Variants in COL14A1 observed in about 807,000 individuals in gnomAD.
COL14A1 encodes collagen type XIV alpha 1 chain.
COL14A1 carries 136 observed loss-of-function variants against 230.3 expected under a neutral mutation model. That is an observed-to-expected ratio of 0.59 (90% CI 0.51 to 0.68). COL14A1 has a LOEUF of 0.68. Ranked by LOEUF, COL14A1 falls within the 30% of genes least tolerant of loss-of-function variation. The probability of loss-of-function intolerance (pLI) is 0.00; values close to 1 mark genes in which losing one functional copy is unlikely to be tolerated. For missense variants in COL14A1, 1,976 were observed against 2,215.8 expected (o/e 0.89, Z 2.17); for synonymous variants, 792 against 784.1 (o/e 1.01, Z -0.17).
chr8:120,329,178 T>C (rs1821787208), intron 40 of COL14A1, among the ~76,000 whole-genome samples: 2 of 152,212 alleles, frequency 1.3e-5, no homozygotes, highest in Admixed American at 1.3e-4. Context: ...CTTTCAACTC[T>C]CTCTTGGCCC....
intron 4 of COL14A1, among the ~76,000 whole-genome samples, chr8:120,163,599 A>G (rs1815765903): frequency 6.6e-6 from 1 of 152,102 alleles, no homozygotes; most frequent in Non-Finnish European, 1.5e-5. Flanking sequence ...CCCTGTCTCT[A>G]CTAAAAATAC....
intron 8 of COL14A1, among the ~76,000 whole-genome samples, chr8:120,200,214 G>A (rs1377991156): frequency 6.6e-6 from 1 of 151,914 alleles, no homozygotes; most frequent in Non-Finnish European, 1.5e-5. Flanking sequence ...TGATTCCCAA[G>A]CAACACTGAA....
intron 24 of COL14A1, 45 bp from the exon 25 acceptor site, chr8:120,266,782 C>G: frequency 1.3e-6 from 2 of 1,510,530 alleles, no homozygotes; most frequent in Non-Finnish European, 1.8e-6. Flanking sequence ...CTCTTCCCCA[C>G]AGATGAGATG....
At chr8:120,349,047 G>T (rs774308347) in intron 45 of COL14A1, among the ~76,000 whole-genome samples, 16 of 152,130 alleles carry the variant, frequency 1.1e-4, no homozygotes, top group Non-Finnish European at 1.9e-4. Flanking sequence ...TCTGAGAACC[G>T]GCAGACTGCC....
chr8:120,218,125 TA>T (rs1354164662), intron 14 of COL14A1, among the ~76,000 whole-genome samples: 134 of 139,408 alleles, frequency 9.6e-4, no homozygotes, highest in African/African-American at 3.3e-3. Context: ...TATATCTATA[TA>T]AAAATATATA....
In COL14A1 at chr8:120,280,757, T is replaced by A; in HGVS notation, c.3685+8T>A. ...ATGGCATTGATCTTGCAGGTATGCA[T>A]TATCACAATCTTTTCAAACACAAAA... On this transcript the variant is annotated splice_region_variant and intron_variant, in intron 30 of 47. Transcript: ENST00000297848. The A allele has an allele frequency of 6.2e-7, 1 of 1,612,740 alleles. No individual in the cohort carries two copies. Among genetic ancestry groups the A allele is most frequent in the South Asian group, 1.1e-5 (1 of 90,766 alleles).
chr8:120,298,768 A>T (rs1037146058), intron 35 of COL14A1, among the ~76,000 whole-genome samples: 4 of 150,838 alleles, frequency 2.7e-5, no homozygotes, highest in Non-Finnish European at 5.9e-5. Context: ...GGAACCCTTC[A>T]TGAAGTCTGT....
chr8:120,207,101 A>G lies in COL14A1; in HGVS notation c.1191+7A>G, dbSNP rs756596099. The stretch of plus-strand genomic sequence containing the variant: ...GGGTGGAAAACCAGACGAGGTAATA[A>G]GGAGAGAGTATTTTCAAACCATTCT... On this transcript the variant is annotated splice_region_variant and intron_variant, in intron 10 of 47. Coordinates refer to ENST00000297848, the MANE Select transcript of COL14A1 (RefSeq NM_021110.4). 1.4e-5 allele frequency: 23 copies of G among 1,605,100 alleles called. No homozygotes were observed. The highest frequency in any genetic ancestry group is 1.9e-5 in the Non-Finnish European group (22 of 1,176,916).
intron 31 of COL14A1, 84 bp from the exon 32 acceptor site, chr8:120,283,552 A>G (rs1214422708): frequency 2.1e-6 from 3 of 1,414,208 alleles, no homozygotes; most frequent in East Asian, 2.3e-5. Flanking sequence ...ATCTTGTGTA[A>G]TGAAAATGTA....
chr8:120,209,532 A>G (rs1817555780), intron 11 of COL14A1, among the ~76,000 whole-genome samples: 1 of 152,174 alleles, frequency 6.6e-6, no homozygotes, highest in Admixed American at 6.5e-5. Flanking sequence ...CACTGTGGTT[A>G]GAAGAGTAGG....
Position 120,266,711 on chromosome 8 carries a change from A to G in COL14A1, c.3017-116A>G, listed in dbSNP as rs16893791. 4,793 of 825,320 alleles carry G rather than the reference A, an allele frequency of 5.8e-3. 163 individuals are homozygous for G. The African/African-American group carries it at 0.071, about 12-fold the overall frequency. The allele number at this position is 825,320 out of a possible 1,614,324, so 51.1% of individuals were successfully genotyped here. On this transcript the variant is annotated intron_variant, in intron 24 of 47. Transcript: ENST00000297848. Reference sequence around the variant, plus strand: ...GATTTATAGTACTCATTAAATTCTCAGAGAAGACAGTTGTCAAAATCATTG... The same window carrying G: ...GATTTATAGTACTCATTAAATTCTCGGAGAAGACAGTTGTCAAAATCATTG...
chr8:120,310,458 C>T lies in COL14A1; in HGVS notation c.4455+396C>T, dbSNP rs554940486. On this transcript the variant is annotated intron_variant, in intron 37 of 47. Coordinates refer to ENST00000297848, the MANE Select transcript of COL14A1 (RefSeq NM_021110.4). ...ATTTCTCAGGTTTTGGATTCCTCCT[C>T]CTCCACTGCACTATATATAATCAAA... 1.3e-4 allele frequency among the ~76,000 whole-genome samples: 20 copies of T among 152,302 alleles called. No homozygotes were observed. In the South Asian group the frequency reaches 4.1e-3, roughly 32 times the overall value.
Position 120,190,059 on chromosome 8 carries a change from C to T in COL14A1, c.437-6732C>T, listed in dbSNP as rs1816770324. Among the ~76,000 whole-genome samples, 5 of 150,568 alleles carry T rather than the reference C, an allele frequency of 3.3e-5. No individual in the cohort carries two copies. The South Asian group carries it at 1.1e-3, about 32-fold the overall frequency. On this transcript the variant is annotated intron_variant, in intron 5 of 47. Transcript: ENST00000297848. ...GTTCTAGATCCCTGAGGAATCGCCA[C>T]ACTGACTTCCACAATGGTTGAACTA... is the stretch of plus-strand genomic sequence containing the variant.
At chr8:120,326,588 G>A (rs908062664) in intron 40 of COL14A1, among the ~76,000 whole-genome samples, 1 of 152,138 alleles carries the variant, frequency 6.6e-6, no homozygotes, top group African/African-American at 2.4e-5. Context: ...TAATTTTCTA[G>A]GGTTATGAAG....
intron 14 of COL14A1, among the ~76,000 whole-genome samples, chr8:120,217,178 T>A (rs1817777689): frequency 6.6e-6 from 1 of 152,164 alleles, no homozygotes; most frequent in East Asian, 1.9e-4. Context: ...AAAAATAATG[T>A]CACTGTTGTC....
At chr8:120,345,002 A>G (rs955931855) in intron 44 of COL14A1, among the ~76,000 whole-genome samples, 6 of 152,160 alleles carry the variant, frequency 3.9e-5, no homozygotes, top group African/African-American at 1.4e-4. Context: ...TGTGCGTTTT[A>G]GAAAAGAAAA....
chr8:120,270,264 A>T, intron 26 of COL14A1, 90 bp downstream of exon 26: 2 of 1,288,380 alleles, frequency 1.6e-6, no homozygotes, highest in East Asian at 5.1e-5. Context: ...ACTATAGGTC[A>T]AGAACTGTAA....
intron 23 of COL14A1, 114 bp from the exon 24 acceptor site, chr8:120,262,754 G>A (rs1819378510): frequency 5.3e-6 from 5 of 945,760 alleles, no homozygotes; most frequent in Non-Finnish European, 4.6e-6. Flanking sequence ...TCATTCTGGA[G>A]TTATCTGATG....
chr8:120,309,407 T>G (rs1039038164), intron 36 of COL14A1, among the ~76,000 whole-genome samples: 1 of 152,172 alleles, frequency 6.6e-6, no homozygotes, highest in Non-Finnish European at 1.5e-5. Context: ...TAGACACATA[T>G]GAACATATAT....
Sources: allele counts gnomAD v4.1 joint callset (sites outside exome capture counted in the v4.1 genomes callset), GRCh38; gene constraint gnomAD v4.1.1; transcripts MANE v1.5; gene names NCBI Gene and HGNC (gene_info 2026-07-23, HGNC 2026-07-21).